Variants in CACNA1F observed in about 807,000 individuals in gnomAD.
CACNA1F encodes the protein voltage-dependent L-type calcium channel subunit alpha-1F.
CACNA1F carries 59 observed loss-of-function variants against 143.8 expected under a neutral mutation model. That is an observed-to-expected ratio of 0.41 (90% confidence interval 0.33 to 0.51). The LOEUF (loss-of-function observed/expected upper bound fraction) is 0.51, where lower values mean the gene tolerates loss of function less well. Ranked by LOEUF, CACNA1F falls within the 20% of genes least tolerant of loss-of-function variation. CACNA1F has a pLI of 0.22. For missense variants in CACNA1F, 1,411 were observed against 1,647.5 expected, an observed-to-expected ratio of 0.86 and a Z score of 2.48; for synonymous variants, 643 against 649.1, an observed-to-expected ratio of 0.99 and a Z score of 0.14.
In CACNA1F at chrX:49,223,070, C is replaced by A; in HGVS notation, c.1944G>T (p.Leu648Phe). ...TGATGAAGAGGAAGAGGAGAAGCAG[C>A]AAGGATGCGATGGATTTCATTGAAT... Reference protein sequence around the residue: ...LLNSMKSIASLLLLLFLFIII... With the variant: ...LLNSMKSIASFLLLLFLFIII... The change falls in exon 15 of 48, where the codon TTG becomes TTT. Residue 648 changes from leucine to phenylalanine, a missense_variant. Coordinates refer to ENST00000323022, the MANE Select transcript of CACNA1F (RefSeq NM_001256789.3). 8.3e-7 allele frequency: 1 copy of A among 1,203,409 alleles called. No individual in the cohort carries two copies. The highest frequency in any genetic ancestry group is 1.1e-6 in the Non-Finnish European group (1 of 890,897).
intron 16 of CACNA1F, 56 bp from the exon 17 acceptor site, chrX:49,222,659 A>G (rs2065784439): frequency 8.3e-7 from 1 of 1,207,842 alleles, no homozygotes; most frequent in Middle Eastern, 2.3e-4. Context: ...TAGACCACCC[A>G]GTTCCCCTTA....
Position 49,230,991 on chromosome X carries a change from T to TG in CACNA1F, c.382-3dup, listed in dbSNP as rs2065872593. The TG allele has an allele frequency of 1.3e-5, 8 of 606,538 alleles. No homozygotes were observed. Among genetic ancestry groups the TG allele is most frequent in the Admixed American group, 2.9e-5 (1 of 34,846 alleles). The allele number at this position is 606,538 out of a possible 1,213,427, so 50.0% of individuals were successfully genotyped here. ...CAGGAATACGTACTCCACCTGCTCC[T>TG]GGGGGTGGGACCGGGGGGCGGGTCG... On this transcript the variant is annotated splice_region_variant and splice_polypyrimidine_tract_variant and intron_variant, in intron 3 of 47. Coordinates refer to ENST00000323022, the MANE Select transcript of CACNA1F (RefSeq NM_001256789.3).
In CACNA1F at chrX:49,211,941, T is replaced by G. The variant is rs782647434; in HGVS notation, c.4057A>C (p.Asn1353His). ...GCCTGTGGAAAGGTCTGGAAGTTGT[T>G]GTTTCGGTTTATCTGTGTGCCATCC... ...LQDGTQINRNNNFQTFPQAVL... is the reference protein window; with the variant it reads ...LQDGTQINRNHNFQTFPQAVL... The change falls in exon 35 of 48, where the codon AAC becomes CAC. Residue 1353 changes from asparagine (N) to histidine (H), a missense_variant. Coordinates refer to ENST00000323022, the MANE Select transcript of CACNA1F (RefSeq NM_001256789.3). The G allele has an allele frequency of 8.3e-7, 1 of 1,209,917 alleles. No individual in the cohort carries two copies. The highest frequency in any genetic ancestry group is 2.2e-5 in the Admixed American group (1 of 45,865).
Position 49,226,433 on chromosome X carries a change from G to A in CACNA1F, c.1439C>T (p.Ala480Val), listed in dbSNP as rs375228906. 1.3e-5 allele frequency: 15 copies of A among 1,187,801 alleles called. No individual in the cohort carries two copies. The highest frequency in any genetic ancestry group is 5.2e-5 in the African/African-American group (3 of 57,363). The change falls in exon 11 of 48, where the codon GCT becomes GTT. Residue 480 changes from alanine (A) to valine (V), a missense_variant. By Grantham distance (64) the Ala-to-Val change is moderately conservative (BLOSUM62 0). Coordinates refer to ENST00000323022, the MANE Select transcript of CACNA1F (RefSeq NM_001256789.3). Reference protein sequence around the residue: ...TQGDEDEEEGALASCTRCLNK... With the variant: ...TQGDEDEEEGVLASCTRCLNK... Reference sequence around the variant, plus strand: ...CAGGCAGCGTGTACAGCTGGCCAGAGCCCCCTCCTCCTCATCCTCATCGCC... The same window carrying A: ...CAGGCAGCGTGTACAGCTGGCCAGAACCCCCTCCTCCTCATCCTCATCGCC...
At chrX:49,216,321 A>G (rs2065715274) in intron 27 of CACNA1F, 61 bp downstream of exon 27, 1 of 1,155,687 alleles carries the variant, frequency 8.7e-7, no homozygotes, top group African/African-American at 1.8e-5. Context: ...AGGAGATCCC[A>G]ACCCAATCCT....
At chrX:49,208,411 G>GGACCCCCCCC in intron 43 of CACNA1F, 104 bp downstream of exon 43, 1 of 414,484 alleles carries the variant, frequency 2.4e-6, no homozygotes, top group Non-Finnish European at 4.3e-6. Flanking sequence ...AGGCCTCTAG[G>GGACCCCCCCC]CCCTCCCTCC....
intron 33 of CACNA1F, 34 bp from the exon 34 acceptor site, chrX:49,212,342 T>C: frequency 9.3e-7 from 1 of 1,072,232 alleles, no homozygotes; most frequent in South Asian, 1.9e-5. Flanking sequence ...AGAGAATAGA[T>C]GCACAGGCTC....
At position 49,219,364 on chromosome X, in the gene CACNA1F, A is replaced by G. The variant is rs1557108268; in HGVS notation, c.2630T>C (p.Leu877Pro). Residue 877 changes from leucine (L) to proline (P), a missense_variant, in exon 21 of 48, where the codon CTG becomes CCG. This residue lies in a region of CACNA1F where 950 missense variants were observed against 1,128.1 expected (regional missense o/e 0.84). Coordinates refer to ENST00000323022, the MANE Select transcript of CACNA1F (RefSeq NM_001256789.3). Reference protein sequence around the residue: ...LVFIILSSVSLAAEDPIRAHS... With the variant: ...LVFIILSSVSPAAEDPIRAHS... Reference sequence around the variant, plus strand: ...GGCTCGGATGGGGTCCTCAGCGGCCAGGGACACACTGCTGAGGATGATGAA... The same window carrying G: ...GGCTCGGATGGGGTCCTCAGCGGCCGGGGACACACTGCTGAGGATGATGAA... 8.3e-7 allele frequency: 1 copy of G among 1,208,570 alleles called. No homozygotes were observed. Among genetic ancestry groups the G allele is most frequent in the East Asian group, 3.0e-5 (1 of 33,811 alleles).
chrX:49,208,652 C>T lies in CACNA1F; in HGVS notation c.4986G>A (p.Arg1662=), dbSNP rs373965246. Residue 1662 remains arginine, a synonymous_variant, in exon 43 of 48, where the codon CGG becomes CGA. Transcript: ENST00000323022. The stretch of plus-strand genomic sequence containing the variant: ...GCAGAGACACAGAAATCCCGGAGCC[C>T]CGGCGAGCTGAGGGCTGGGAGACCA... ...ATMVSQPSAR[R]GSGISVSLPV... 1 of 1,210,863 alleles carries T rather than the reference C, an allele frequency of 8.3e-7. No homozygotes were observed. Among genetic ancestry groups the T allele is most frequent in the East Asian group, 3.0e-5 (1 of 33,818 alleles).
Position 49,206,597 on chromosome X carries a change from A to C in CACNA1F, c.5386T>G (p.Cys1796Gly). 1.7e-6 allele frequency: 2 copies of C among 1,208,751 alleles called. No individual in the cohort carries two copies. The highest frequency in any genetic ancestry group is 2.2e-6 in the Non-Finnish European group (2 of 893,717). Residue 1796 changes from cysteine (C) to glycine (G), a missense_variant, in exon 46 of 48, where the codon TGT (cysteine) becomes GGT (glycine). Physicochemically the swap from Cys to Gly is radical, Grantham distance 159 (BLOSUM62 -3). Coordinates refer to ENST00000323022, the MANE Select transcript of CACNA1F (RefSeq NM_001256789.3). ...TCACAACTGCCCTGGCGCTGCAGAC[A>C]CTGGATGGTGAAGGAGGGCTTCCGA... ...AGRKPSFTIQCLQRQGSCEDL... is the reference protein window; with the variant it reads ...AGRKPSFTIQGLQRQGSCEDL...
chrX:49,222,902 A>T, intron 15 of CACNA1F, 27 bp downstream of exon 15: 1 of 819,212 alleles, frequency 1.2e-6, no homozygotes, highest in African/African-American at 2.1e-5. Flanking sequence ...TCCCCGACCC[A>T]CCCATCCCAT....
chrX:49,231,343 G>T (rs902723954), intron 2 of CACNA1F, 36 bp from the exon 3 acceptor site: 35 of 974,906 alleles, frequency 3.6e-5, no homozygotes, highest in Non-Finnish European at 5.0e-5. Flanking sequence ...TGGCAGAGTG[G>T]CATTGGAACC....
rs2147917894 is a variant in CACNA1F at position 49,225,907 on chromosome X, A to G, written c.1651+2T>C. 3.4e-6 allele frequency: 4 copies of G among 1,166,677 alleles called. No homozygotes were observed. The highest frequency in any genetic ancestry group is 4.6e-6 in the Non-Finnish European group (4 of 872,229). On this transcript the variant is annotated splice_donor_variant, in intron 13 of 47. Coordinates refer to ENST00000323022, the MANE Select transcript of CACNA1F (RefSeq NM_001256789.3). LOFTEE classifies it high-confidence loss of function. ...GAGACGACTAGCAGGCTGGGGGTGT[A>G]CCCTGGATCTGGGTGAGCCACACAG...
chrX:49,230,396 G>C (rs1365860867), intron 5 of CACNA1F, 24 bp from the exon 6 acceptor site: 1 of 1,207,093 alleles, frequency 8.3e-7, no homozygotes, highest in Non-Finnish European at 1.1e-6. Flanking sequence ...GGGGGAGGCA[G>C]AAATAAGGGC....
intron 30 of CACNA1F, 89 bp from the exon 31 acceptor site, chrX:49,213,991 G>A (rs781822676): frequency 1.9e-5 from 13 of 701,376 alleles, no homozygotes; most frequent in Middle Eastern, 3.5e-4. Flanking sequence ...GCCGGAGGGG[G>A]GCAGGGCTTC....
chrX:49,210,858 C>G, intron 37 of CACNA1F, 107 bp downstream of exon 37: 1 of 960,167 alleles, frequency 1.0e-6, no homozygotes, highest in East Asian at 3.3e-5. Context: ...TTTGGGGCAT[C>G]TATTGACTGG....
Position 49,209,767 on chromosome X carries a change from C to A in CACNA1F, c.4691-8G>T. The A allele has an allele frequency of 8.3e-7, 1 of 1,211,137 alleles. No homozygotes were observed. The highest frequency in any genetic ancestry group is 1.1e-6 in the Non-Finnish European group (1 of 895,046). On this transcript the variant is annotated splice_region_variant and splice_polypyrimidine_tract_variant and intron_variant, in intron 40 of 47. Coordinates refer to ENST00000323022, the MANE Select transcript of CACNA1F (RefSeq NM_001256789.3). ...CCACGGTGACCTCCTCCTCTAGGGGCAAGGGAGAGAAGGCAAGATCACACA... is the reference window on the plus strand; with the variant it reads ...CCACGGTGACCTCCTCCTCTAGGGGAAAGGGAGAGAAGGCAAGATCACACA...
intron 34 of CACNA1F, 89 bp downstream of exon 34, chrX:49,212,154 A>C: frequency 1.1e-6 from 1 of 881,123 alleles, no homozygotes; most frequent in Non-Finnish European, 1.7e-6. Context: ...TTGTCTGTCT[A>C]CCTGCCACCC....
intron 17 of CACNA1F, 167 bp downstream of exon 17, chrX:49,222,355 G>A: frequency 2.1e-6 from 1 of 482,452 alleles, no homozygotes; most frequent in Non-Finnish European, 3.7e-6. Flanking sequence ...CTGGCACACA[G>A]TAGGCAGTCA....
Sources: allele counts gnomAD v4.1 joint callset, GRCh38; gene constraint gnomAD v4.1.1; regional missense constraint gnomAD v4.1.1; transcripts MANE v1.5; gene names NCBI Gene and HGNC (gene_info 2026-07-23, HGNC 2026-07-21).